The following SUSD5 variants were observed in gnomAD, a reference collection of about 807,000 sequenced individuals.
SUSD5 encodes sushi domain-containing protein 5.
SUSD5 carries 33 observed loss-of-function variants against 29.5 expected under a neutral mutation model. The observed-to-expected ratio is 1.12, with a 90% CI of 0.85 to 1.49. The LOEUF (loss-of-function observed/expected upper bound fraction) is 1.49, where lower values mean the gene tolerates loss of function less well. SUSD5 is among the 40% of genes most tolerant of loss of function. SUSD5 has a pLI of 0.00. For missense variants in SUSD5, 776 were observed against 800.6 expected, an observed-to-expected ratio of 0.97 and a Z score of 0.37; for synonymous variants, 308 against 325.3, an observed-to-expected ratio of 0.95 and a Z score of 0.57.
At chr3:33,210,626 C>T (rs9880070) in intron 2 of SUSD5, among the ~76,000 whole-genome samples, 31,397 of 152,062 alleles carry the variant, frequency 0.21, 3,883 homozygotes, top group South Asian at 0.33. Context: ...TTACAAGATG[C>T]ACCACACATT....
intron 3 of SUSD5, among the ~76,000 whole-genome samples, chr3:33,193,472 G>GA: frequency 6.6e-6 from 1 of 152,250 alleles, no homozygotes; most frequent in South Asian, 2.1e-4. Flanking sequence ...CAGGGCATAG[G>GA]AGGCTGAGGG....
In SUSD5 at chr3:33,150,274, T is replaced by C. The variant is rs1007634602; in HGVS notation, c.*2468A>G. Reference sequence around the variant, plus strand: ...CTTAAAAACTGATGTGTTGGGTTTATTTCACAGTCCATGTCTACAAATAAA... The same window carrying C: ...CTTAAAAACTGATGTGTTGGGTTTACTTCACAGTCCATGTCTACAAATAAA... On this transcript the variant is annotated 3_prime_UTR_variant, in exon 5 of 5. Transcript: ENST00000309558. 12 of 152,224 alleles carry C rather than the reference T, an allele frequency of 7.9e-5. No homozygotes were observed. The highest frequency in any genetic ancestry group is 2.7e-4 in the African/African-American group (11 of 41,470). The allele number at this position is 152,224 out of a possible 1,614,324, so 9.4% of individuals were successfully genotyped here.
intron 3 of SUSD5, among the ~76,000 whole-genome samples, chr3:33,182,055 T>C (rs2031683336): frequency 6.6e-6 from 1 of 152,270 alleles, no homozygotes. Flanking sequence ...TCTTTCTTTT[T>C]TTCTAATATA....
intron 3 of SUSD5, among the ~76,000 whole-genome samples, chr3:33,185,676 T>A (rs2031762897): frequency 6.6e-6 from 1 of 152,250 alleles, no homozygotes; most frequent in Admixed American, 6.5e-5. Flanking sequence ...AGCAGTAACT[T>A]CTAAACTCCT....
chr3:33,217,573 T>G (rs2125635584), intron 1 of SUSD5, among the ~76,000 whole-genome samples: 1 of 152,342 alleles, frequency 6.6e-6, no homozygotes, highest in Non-Finnish European at 1.5e-5. Flanking sequence ...AAATACGACA[T>G]TCATCCTTAA....
At chr3:33,199,958 G>C (rs1459719181) in intron 3 of SUSD5, among the ~76,000 whole-genome samples, 1 of 152,192 alleles carries the variant, frequency 6.6e-6, no homozygotes, top group African/African-American at 2.4e-5. Context: ...ATGTAAAGAA[G>C]GCTCTTGCTA....
At chr3:33,178,701 G>C (rs2031605993) in intron 3 of SUSD5, among the ~76,000 whole-genome samples, 1 of 152,170 alleles carries the variant, frequency 6.6e-6, no homozygotes, top group African/African-American at 2.4e-5. Context: ...GCCTCCCAAA[G>C]TGCTGGGATT....
chr3:33,189,543 A>T (rs2031850403), intron 3 of SUSD5, among the ~76,000 whole-genome samples: 1 of 151,380 alleles, frequency 6.6e-6, no homozygotes, highest in Non-Finnish European at 1.5e-5. Context: ...ATTTGCTTTA[A>T]AATATCTCAA....
chr3:33,216,423 C>T (rs547765672), intron 1 of SUSD5, among the ~76,000 whole-genome samples: 1 of 152,228 alleles, frequency 6.6e-6, no homozygotes, highest in East Asian at 1.9e-4. Flanking sequence ...CGCAGAAACC[C>T]TTTCAGAGTT....
At chr3:33,216,242 G>A (rs1362053901) in intron 1 of SUSD5, among the ~76,000 whole-genome samples, 1 of 151,962 alleles carries the variant, frequency 6.6e-6, no homozygotes, top group African/African-American at 2.4e-5. Flanking sequence ...ATGAAGTGGG[G>A]GAAAAACTTT....
intron 4 of SUSD5, 75 bp downstream of exon 4, chr3:33,174,811 T>C (rs2031509311): frequency 1.3e-6 from 2 of 1,549,930 alleles, no homozygotes; most frequent in Non-Finnish European, 1.8e-6. Context: ...GCCCACCGCA[T>C]GCAGCCAGCA....
At chr3:33,201,372 C>G (rs2032113927) in intron 3 of SUSD5, among the ~76,000 whole-genome samples, 1 of 152,240 alleles carries the variant, frequency 6.6e-6, no homozygotes, top group South Asian at 2.1e-4. Context: ...CAGAGTGCAG[C>G]CGCAGCTCTT....
chr3:33,207,466 T>A (rs895894905), intron 3 of SUSD5, among the ~76,000 whole-genome samples: 1 of 152,186 alleles, frequency 6.6e-6, no homozygotes, highest in African/African-American at 2.4e-5. Context: ...CCTTCACACA[T>A]GACTGACAGG....
chr3:33,202,060 C>CTATCTA (rs397805670), intron 3 of SUSD5, among the ~76,000 whole-genome samples: 2 of 107,672 alleles, frequency 1.9e-5, no homozygotes. Context: ...ATCTATCTAT[C>CTATCTA]TGTCTATCTA....
chr3:33,206,970 T>C (rs963333059), intron 3 of SUSD5, among the ~76,000 whole-genome samples: 2 of 152,166 alleles, frequency 1.3e-5, no homozygotes, highest in Admixed American at 1.3e-4. Flanking sequence ...CTCGTTTCTA[T>C]GACTGATTAG....
intron 3 of SUSD5, among the ~76,000 whole-genome samples, chr3:33,179,516 G>A (rs1226293162): frequency 1.3e-5 from 2 of 152,118 alleles, no homozygotes; most frequent in African/African-American, 2.4e-5. Context: ...TTTTCTCCTA[G>A]ATATAGGCAG....
intron 3 of SUSD5, among the ~76,000 whole-genome samples, chr3:33,181,681 GTTTGT>G (rs1373655077): frequency 6.6e-6 from 1 of 151,946 alleles, no homozygotes; most frequent in African/African-American, 2.4e-5. Flanking sequence ...TCCATTTTTT[GTTTGT>G]TTTACCTTTT....
chr3:33,171,345 T>TA (rs11414073), intron 4 of SUSD5, among the ~76,000 whole-genome samples: 49,738 of 148,116 alleles, frequency 0.34, 8,630 homozygotes, highest in Middle Eastern at 0.4. Flanking sequence ...GACTCCTTCT[T>TA]AAAAAAAAAA....
chr3:33,170,043 G>A (rs570143160), intron 4 of SUSD5, among the ~76,000 whole-genome samples: 10 of 151,952 alleles, frequency 6.6e-5, no homozygotes, highest in African/African-American at 2.4e-4. Flanking sequence ...TCAGCCTCCC[G>A]AGTAGCTGGG....
Sources: gnomAD v4.1 joint callset for allele counts (sites outside exome capture counted in the v4.1 genomes callset) on GRCh38, gnomAD v4.1.1 for gene constraint, MANE v1.5 for transcripts, NCBI Gene and HGNC (gene_info 2026-07-23, HGNC 2026-07-21) for gene names.